Variants in SKAP1 observed in about 807,000 individuals in gnomAD.
The protein encoded by SKAP1 is src kinase associated phosphoprotein 1.
In SKAP1, 44 loss-of-function variants were observed where a neutral mutation model predicts 58.5. The ratio of observed to expected loss-of-function variants is 0.75; its 90% CI spans 0.59 to 0.97. The LOEUF (loss-of-function observed/expected upper bound fraction) is 0.97, where lower values mean the gene tolerates loss of function less well. Ranked by LOEUF, SKAP1 falls within the 50% of genes least tolerant of loss-of-function variation. The pLI is 0.00. For synonymous variants in SKAP1, 127 were observed against 149.7 expected, an observed-to-expected ratio of 0.85 and a Z score of 1.11; for missense variants, 390 against 435.2, an observed-to-expected ratio of 0.90 and a Z score of 0.92.
intron 4 of SKAP1, among the ~76,000 whole-genome samples, chr17:48,252,195 G>A (rs2065371768): frequency 6.6e-6 from 1 of 151,878 alleles, no homozygotes; most frequent in Admixed American, 6.6e-5. Context: ...AGACTCTTGA[G>A]TAAATAATAT....
At chr17:48,362,998 AT>A (rs2144396506) in intron 3 of SKAP1, among the ~76,000 whole-genome samples, 1 of 152,356 alleles carries the variant, frequency 6.6e-6, no homozygotes, top group South Asian at 2.1e-4. Context: ...AATTAAGATA[AT>A]ATTCAGGTTG....
chr17:48,324,557 A>G (rs1300221264), intron 4 of SKAP1, among the ~76,000 whole-genome samples: 2 of 151,940 alleles, frequency 1.3e-5, no homozygotes, highest in African/African-American at 4.8e-5. Flanking sequence ...TTATAACCTA[A>G]TTTTTTCACT....
intron 11 of SKAP1, among the ~76,000 whole-genome samples, chr17:48,138,254 G>A (rs2063724841): frequency 6.6e-6 from 1 of 151,864 alleles, no homozygotes; most frequent in African/African-American, 2.4e-5. Flanking sequence ...GCCCAGGCTG[G>A]AGTGCAGTGG....
chr17:48,298,055 T>C (rs981756351), intron 4 of SKAP1, among the ~76,000 whole-genome samples: 1 of 152,222 alleles, frequency 6.6e-6, no homozygotes, highest in African/African-American at 2.4e-5. Flanking sequence ...AGCCTATACC[T>C]GCACATTTGA....
chr17:48,205,037 T>TTCTTCC (rs1567820039), intron 4 of SKAP1, among the ~76,000 whole-genome samples: 1 of 55,748 alleles, frequency 1.8e-5, no homozygotes, highest in Non-Finnish European at 3.9e-5. Flanking sequence ...CTTTCTTTCT[T>TTCTTCC]TCTCTCTCTC....
intron 4 of SKAP1, among the ~76,000 whole-genome samples, chr17:48,236,361 A>G (rs1279542053): frequency 6.6e-6 from 1 of 152,194 alleles, no homozygotes; most frequent in African/African-American, 2.4e-5. Context: ...GGGAGCACAG[A>G]GAGGGTAATT....
chr17:48,261,154 C>T (rs959619472), intron 4 of SKAP1, among the ~76,000 whole-genome samples: 3 of 152,168 alleles, frequency 2.0e-5, no homozygotes, highest in Non-Finnish European at 2.9e-5. Context: ...CAGTCCTTGA[C>T]AATTTTTGGA....
chr17:48,388,405 G>A (rs1286300288), intron 2 of SKAP1, among the ~76,000 whole-genome samples: 2 of 152,134 alleles, frequency 1.3e-5, no homozygotes, highest in Non-Finnish European at 2.9e-5. Context: ...CTGCACTCCA[G>A]CCTGGGTGAC....
At chr17:48,386,692 T>A (rs1005542386) in intron 2 of SKAP1, among the ~76,000 whole-genome samples, 2 of 152,214 alleles carry the variant, frequency 1.3e-5, no homozygotes, top group African/African-American at 4.8e-5. Flanking sequence ...TTCTATCCAG[T>A]GTCCATTTTT....
intron 11 of SKAP1, among the ~76,000 whole-genome samples, chr17:48,145,645 CAG>C (rs2063823509): frequency 6.6e-6 from 1 of 152,046 alleles, no homozygotes; most frequent in South Asian, 2.1e-4. Context: ...CAGTAGGTGT[CAG>C]GGGATATTGG....
At chr17:48,391,377 A>G (rs189787557) in intron 2 of SKAP1, among the ~76,000 whole-genome samples, 57 of 152,346 alleles carry the variant, frequency 3.7e-4, no homozygotes, top group Non-Finnish European at 2.9e-5. Context: ...ACATAAGATG[A>G]TCTTCCTTAC....
chr17:48,357,141 A>T (rs2066885333), intron 3 of SKAP1, among the ~76,000 whole-genome samples: 1 of 152,170 alleles, frequency 6.6e-6, no homozygotes. Flanking sequence ...ACATCCTTGT[A>T]CATAATACAT....
rs955693722 is a variant in SKAP1 at position 48,174,150 on chromosome 17, GA to G, written c.827-3492del. 1.1e-4 allele frequency among the ~76,000 whole-genome samples: 16 copies of G among 147,970 alleles called. No homozygotes were observed. In the South Asian group the frequency reaches 1.3e-3, roughly 12 times the overall value. On this transcript the variant is annotated intron_variant, in intron 9 of 12. Coordinates refer to ENST00000336915, the MANE Select transcript of SKAP1 (RefSeq NM_003726.4). ...CTGCACTTTTGGAATCAACTAGAAA[GA>G]AAAAAAAAACATTGGCTATAGAGCT...
At chr17:48,401,976 CAT>C (rs2067504190) in intron 1 of SKAP1, among the ~76,000 whole-genome samples, 1 of 152,100 alleles carries the variant, frequency 6.6e-6, no homozygotes, top group Non-Finnish European at 1.5e-5. Context: ...ACTGAATAGA[CAT>C]ATCTCTAAAG....
At chr17:48,365,153 G>T (rs1567884802) in intron 2 of SKAP1, among the ~76,000 whole-genome samples, 1 of 151,988 alleles carries the variant, frequency 6.6e-6, no homozygotes, top group Non-Finnish European at 1.5e-5. Context: ...TAGCGATGGG[G>T]TCTCACTTTG....
At chr17:48,444,702 T>C in the SKAP1 span, among the ~76,000 whole-genome samples, 2 of 152,190 alleles carry the variant, frequency 1.3e-5, no homozygotes, top group African/African-American at 4.8e-5. Context: ...CGCCCATTTG[T>C]CGCTGCCTAT....
At chr17:48,373,000 G>C (rs2067105682) in intron 2 of SKAP1, among the ~76,000 whole-genome samples, 2 of 152,242 alleles carry the variant, frequency 1.3e-5, no homozygotes, top group Admixed American at 1.3e-4. Flanking sequence ...AACTCAGGAA[G>C]GTCAAACAAC....
chr17:48,441,444 A>AG, the SKAP1 span, among the ~76,000 whole-genome samples: 1 of 152,134 alleles, frequency 6.6e-6, no homozygotes. Flanking sequence ...ATAGAGGGGA[A>AG]GTGGGGGGAG....
At chr17:48,137,445 T>C in intron 11 of SKAP1, 108 bp from the exon 12 acceptor site, 3 of 742,666 alleles carry the variant, frequency 4.0e-6, no homozygotes, top group Non-Finnish European at 7.0e-6. Context: ...TTGTTGCCAT[T>C]ATCACTGTGA....
Sources: gnomAD v4.1 joint callset for allele counts (sites outside exome capture counted in the v4.1 genomes callset) on GRCh38, gnomAD v4.1.1 for gene constraint, MANE v1.5 for transcripts, NCBI Gene and HGNC (gene_info 2026-07-23, HGNC 2026-07-21) for gene names.